The following KSR1 variants were observed in gnomAD, a reference collection of about 807,000 sequenced individuals.
KSR1 encodes kinase suppressor of ras 1.
A neutral mutation model predicts 92.9 loss-of-function variants in KSR1; 35 were observed. That is an observed-to-expected ratio of 0.38 (90% CI 0.29 to 0.50). The LOEUF (loss-of-function observed/expected upper bound fraction) is 0.50. Ranked by LOEUF, KSR1 falls within the 20% of genes least tolerant of loss-of-function variation. KSR1 has a pLI of 0.94. For missense variants in KSR1, 972 were observed against 1,158.5 expected (o/e 0.84, Z 2.34); for synonymous variants, 467 against 472.6 (o/e 0.99, Z 0.15).
At chr17:27,528,281 G>C (rs1472538593) in intron 1 of KSR1, among the ~76,000 whole-genome samples, 1 of 151,956 alleles carries the variant, frequency 6.6e-6, no homozygotes, top group Non-Finnish European at 1.5e-5. Flanking sequence ...TGGCCAGGCT[G>C]GTCTCAAACT....
chr17:27,553,439 G>A (rs754050451), intron 2 of KSR1, among the ~76,000 whole-genome samples: 7 of 152,192 alleles, frequency 4.6e-5, no homozygotes, highest in East Asian at 1.9e-4. Context: ...CAGAGAGGGC[G>A]GCACACCAGC....
chr17:27,557,303 G>T (rs180681953), intron 2 of KSR1, among the ~76,000 whole-genome samples: 5 of 152,344 alleles, frequency 3.3e-5, no homozygotes, highest in African/African-American at 1.2e-4. Flanking sequence ...GTGTGAGAGA[G>T]GTTGGACCAA....
intron 1 of KSR1, among the ~76,000 whole-genome samples, chr17:27,490,786 C>A (rs188198599): frequency 6.6e-6 from 1 of 152,270 alleles, no homozygotes; most frequent in African/African-American, 2.4e-5. Context: ...AGCAATCTCA[C>A]TTGTGGGACT....
At chr17:27,601,993 T>G in intron 11 of KSR1, 1 of 1,482,146 alleles carries the variant, frequency 6.7e-7, no homozygotes, top group Non-Finnish European at 9.3e-7. Flanking sequence ...CTGCAAAAGT[T>G]GTTTTCTACA....
chr17:27,603,692 C>G (rs2151225328), intron 11 of KSR1, 142 bp from the exon 12 acceptor site: 1 of 794,998 alleles, frequency 1.3e-6, no homozygotes, highest in South Asian at 1.6e-5. Flanking sequence ...CAGGCTGGTC[C>G]TTGTGGGAGT....
chr17:27,544,069 G>A (rs893217043), intron 1 of KSR1, among the ~76,000 whole-genome samples: 2 of 152,204 alleles, frequency 1.3e-5, no homozygotes, highest in African/African-American at 4.8e-5. Flanking sequence ...TGTTCCACAC[G>A]TTTTGCTGAG....
chr17:27,610,037 G>A (rs1308486441), intron 16 of KSR1, 30 bp from the exon 17 acceptor site: 3 of 1,612,596 alleles, frequency 1.9e-6, no homozygotes, highest in South Asian at 1.1e-5. Context: ...TGAAAGGCCT[G>A]TGTCCTTGTC....
chr17:27,567,198 G>A (rs1267390803), intron 2 of KSR1, among the ~76,000 whole-genome samples: 1 of 152,172 alleles, frequency 6.6e-6, no homozygotes, highest in African/African-American at 2.4e-5. Flanking sequence ...AGCTGTGTAA[G>A]AATCCATGTG....
chr17:27,621,870 T>C, intron 20 of KSR1: 1 of 1,588,936 alleles, frequency 6.3e-7, no homozygotes, highest in South Asian at 1.1e-5. Flanking sequence ...CCCGACAGGC[T>C]CTGCATTGGG....
intron 3 of KSR1, among the ~76,000 whole-genome samples, chr17:27,580,827 C>T (rs571747882): frequency 1.3e-5 from 2 of 152,184 alleles, no homozygotes; most frequent in East Asian, 1.9e-4. Flanking sequence ...AGTGCAGTGG[C>T]GCGATCTTGG....
intron 2 of KSR1, among the ~76,000 whole-genome samples, chr17:27,558,662 A>T (rs932159894): frequency 6.6e-6 from 1 of 151,630 alleles, no homozygotes; most frequent in Non-Finnish European, 1.5e-5. Flanking sequence ...ACTTGAAAAC[A>T]GGACTCTTTC....
At chr17:27,618,851 A>G (rs1386810446) in intron 19 of KSR1, among the ~76,000 whole-genome samples, 1 of 152,052 alleles carries the variant, frequency 6.6e-6, no homozygotes, top group Non-Finnish European at 1.5e-5. Context: ...TTTCTGAAAA[A>G]CTTTCCAAAA....
intron 3 of KSR1, among the ~76,000 whole-genome samples, chr17:27,580,458 C>A (rs1233915696): frequency 6.6e-6 from 1 of 152,130 alleles, no homozygotes; most frequent in Admixed American, 6.5e-5. Context: ...AATTCATCCC[C>A]CCTATTCTTG....
At chr17:27,546,703 GCCCTGGTTTTGGAATTTGCCTCTGGTCT>G in intron 1 of KSR1, among the ~76,000 whole-genome samples, 1 of 152,294 alleles carries the variant, frequency 6.6e-6, no homozygotes, top group Admixed American at 6.5e-5. Context: ...GGAAGTTGGA[GCCCTGGTTTTGGAATTTGCCTCTGGTCT>G]CACTGGGCGG....
chr17:27,532,860 G>C (rs970340766), intron 1 of KSR1, among the ~76,000 whole-genome samples: 1 of 152,212 alleles, frequency 6.6e-6, no homozygotes, highest in Admixed American at 6.5e-5. Context: ...CAGTGGGAAA[G>C]GTCAGCCTTC....
chr17:27,466,641 G>T (rs1471894709), intron 1 of KSR1, among the ~76,000 whole-genome samples: 1 of 152,234 alleles, frequency 6.6e-6, no homozygotes, highest in Non-Finnish European at 1.5e-5. Flanking sequence ...AGGGGGTTTG[G>T]GGGAGAGGGC....
At chr17:27,467,761 CAA>C (rs1225953965) in intron 1 of KSR1, among the ~76,000 whole-genome samples, 2 of 151,324 alleles carry the variant, frequency 1.3e-5, no homozygotes, top group African/African-American at 4.9e-5. Context: ...GTTTTGAGGT[CAA>C]GTTCCCTGTG....
At chr17:27,478,762 C>T (rs1444761864) in intron 1 of KSR1, among the ~76,000 whole-genome samples, 1 of 152,132 alleles carries the variant, frequency 6.6e-6, no homozygotes. Flanking sequence ...AAGTCTTGGG[C>T]AGACTCAAGA....
intron 1 of KSR1, among the ~76,000 whole-genome samples, chr17:27,532,653 A>T (rs940010): frequency 0.41 from 62,375 of 152,008 alleles, 13,485 homozygotes; most frequent in African/African-American, 0.54. Flanking sequence ...GCTTACAGGC[A>T]GCTGTGGAGG....
Sources: gnomAD v4.1 joint callset for allele counts (sites outside exome capture counted in the v4.1 genomes callset) on GRCh38, gnomAD v4.1.1 for gene constraint, MANE v1.5 for transcripts, NCBI Gene and HGNC (gene_info 2026-07-23, HGNC 2026-07-21) for gene names.